CHAMP1: variants seen among roughly 807,000 people sequenced by gnomAD.
CHAMP1 encodes the protein chromosome alignment maintaining phosphoprotein 1, also known as chromosome alignment-maintaining phosphoprotein 1.
Under a neutral mutation model 54.5 loss-of-function variants are expected in CHAMP1, and 4 were observed. The observed-to-expected ratio is 0.07, with a 90% CI of 0.04 to 0.17. The LOEUF is 0.17. Among genes scored for constraint, CHAMP1 ranks in the 10% least tolerant of loss-of-function variants. The probability of loss-of-function intolerance (pLI) is 1.00; values close to 1 mark genes in which losing one functional copy is unlikely to be tolerated. For synonymous variants in CHAMP1, 368 were observed against 342.2 expected, an observed-to-expected ratio of 1.08 and a Z score of -0.83; for missense variants, 994 against 968.6, an observed-to-expected ratio of 1.03 and a Z score of -0.35.
chr13:114,323,753 G>C, intron 2 of CHAMP1, 35 bp from the exon 3 acceptor site: 1 of 1,476,800 alleles, frequency 6.8e-7, no homozygotes, highest in Non-Finnish European at 9.1e-7. Flanking sequence ...CAGAATTACA[G>C]TTCATGAAAA....
In CHAMP1 at chr13:114,326,128, A is replaced by C. The variant is rs782346249; in HGVS notation, c.2286A>C (p.Gln762His). ...LLKNHVAAHGQSLLKCPRCNF... is the reference protein window; with the variant it reads ...LLKNHVAAHGHSLLKCPRCNF... ...AAAATCATGTAGCAGCCCATGGGCAAAGTTTACTTAAATGTCCACGTTGTA... is the reference window on the plus strand; with the variant it reads ...AAAATCATGTAGCAGCCCATGGGCACAGTTTACTTAAATGTCCACGTTGTA... Residue 762 changes from glutamine (Q) to histidine (H), a missense_variant, in exon 3 of 3, where the codon CAA becomes CAC. This residue lies in a region of CHAMP1 where 59 missense variants were observed against 146.7 expected (regional missense o/e 0.40). Coordinates refer to ENST00000361283, the MANE Select transcript of CHAMP1 (RefSeq NM_032436.4). 1 of 1,613,478 alleles carries C rather than the reference A, an allele frequency of 6.2e-7. No homozygotes were observed. Among genetic ancestry groups the C allele is most frequent in the Admixed American group, 1.7e-5 (1 of 59,944 alleles).
At position 114,324,359 on chromosome 13, in the gene CHAMP1, TCTC is replaced by T. The variant is rs535593712; in HGVS notation, c.520_522del (p.Pro174del). On this transcript the variant is annotated inframe_deletion, in exon 3 of 3. Transcript: ENST00000361283. Reference sequence around the variant, plus strand: ...TCCTGAGCTACAGACACCTCTTCCTTCTCCTGAGCCTTCAAAACCTGCCTCTGT... The same window carrying T: ...TCCTGAGCTACAGACACCTCTTCCTTCTGAGCCTTCAAAACCTGCCTCTGT... 2.1e-3 allele frequency: 3,367 copies of T among 1,614,006 alleles called. 7 individuals are homozygous for T. Among genetic ancestry groups the T allele is most frequent in the Non-Finnish European group, 2.6e-3 (3,093 of 1,180,000 alleles).
rs781950538 is a variant in CHAMP1, at chr13:114,325,933, G to A, written c.2091G>A (p.Glu697=). The A allele has an allele frequency of 7.4e-6, 12 of 1,614,142 alleles. 1 individual carries two copies. The South Asian group carries it at 1.3e-4, about 18-fold the overall frequency. Residue 697 remains glutamate, a synonymous_variant, in exon 3 of 3, where the codon GAG becomes GAA. Coordinates refer to ENST00000361283, the MANE Select transcript of CHAMP1 (RefSeq NM_032436.4). ...EEKEAFISEE[E]IAKYMKRGKG... is the part of the protein sequence containing the mutation. Reference sequence around the variant, plus strand: ...AAGAAGCTTTTATCTCTGAAGAGGAGATTGCAAAATACATGAAGCGTGGAA... The same window carrying A: ...AAGAAGCTTTTATCTCTGAAGAGGAAATTGCAAAATACATGAAGCGTGGAA...
chr13:114,323,756 C>A, intron 2 of CHAMP1, 32 bp from the exon 3 acceptor site: 1 of 1,480,094 alleles, frequency 6.8e-7, no homozygotes, highest in South Asian at 1.4e-5. Flanking sequence ...AATTACAGTT[C>A]ATGAAAATAA....
intron 1 of CHAMP1, among the ~76,000 whole-genome samples, chr13:114,319,179 T>A (rs2087139095): frequency 6.6e-6 from 1 of 152,148 alleles, no homozygotes; most frequent in Non-Finnish European, 1.5e-5. Flanking sequence ...CAGATACTGA[T>A]CATTTGTCTG....
At position 114,323,998 on chromosome 13, in the gene CHAMP1, G is replaced by A; in HGVS notation, c.156G>A (p.Met52Ile). ...TGGATGCTGGTGGGCTAGGCAAAAT[G>A]ATATTTTACCAGAAAAGTGCAAAGT... The part of the protein sequence containing the change: ...DEMDAGGLGK[M>I]IFYQKSAKLF... Residue 52 changes from methionine (M) to isoleucine (I), a missense_variant, in exon 3 of 3, where the codon ATG (methionine) becomes ATA (isoleucine). By Grantham distance (10) the Met-to-Ile change is conservative. Transcript: ENST00000361283. The A allele has an allele frequency of 6.2e-7, 1 of 1,614,110 alleles. No homozygotes were observed. Among genetic ancestry groups the A allele is most frequent in the Non-Finnish European group, 8.5e-7 (1 of 1,179,996 alleles).
At position 114,325,645 on chromosome 13, in the gene CHAMP1, A is replaced by G. The variant is rs782586715; in HGVS notation, c.1803A>G (p.Leu601=). Residue 601 remains leucine, a synonymous_variant, in exon 3 of 3, where the codon CTA becomes CTG. Coordinates refer to ENST00000361283, the MANE Select transcript of CHAMP1 (RefSeq NM_032436.4). ...KCDILVQEEL[L]ASPKKLLEDT... ...ATATTTTGGTTCAGGAAGAACTTCT[A>G]GCTTCACCTAAGAAACTCTTAGAAG... is the stretch of plus-strand genomic sequence containing the variant. 1.9e-6 allele frequency: 3 copies of G among 1,614,202 alleles called. No homozygotes were observed. Among genetic ancestry groups the G allele is most frequent in the Non-Finnish European group, 1.7e-6 (2 of 1,180,036 alleles).
chr13:114,324,344 C>G lies in CHAMP1; in HGVS notation c.502C>G (p.Gln168Glu), dbSNP rs1555379435. The G allele has an allele frequency of 6.2e-7, 1 of 1,614,154 alleles. No homozygotes were observed. ...KPGSVVSPEL[Q>E]TPLPSPEPSK... The stretch of plus-strand genomic sequence containing the variant: ...TGGCTCTGTTGTTTCTCCTGAGCTA[C>G]AGACACCTCTTCCTTCTCCTGAGCC... The change falls in exon 3 of 3, where the codon CAG becomes GAG. Residue 168 changes from glutamine to glutamate, a missense_variant. Gln to Glu is a conservative substitution (Grantham distance 29, BLOSUM62 2). Transcript: ENST00000361283.
Position 114,324,807 on chromosome 13 carries a change from C to G in CHAMP1, c.965C>G (p.Pro322Arg). ...CCAGGGCCACCTGGGTCCCCTAGGC[C>G]TTGGAAATCCAATCCTTCAGCATCA... ...WKPGPPGSPR[P>R]WKSNPSASSG... Residue 322 changes from proline to arginine, a missense_variant, in exon 3 of 3, where the codon CCT becomes CGT. Pro to Arg is a moderately radical substitution (Grantham distance 103, BLOSUM62 -2). Transcript: ENST00000361283. The G allele has an allele frequency of 6.2e-7, 1 of 1,614,120 alleles. No individual in the cohort carries two copies. The highest frequency in any genetic ancestry group is 8.5e-7 in the Non-Finnish European group (1 of 1,179,972).
At position 114,324,438 on chromosome 13, in the gene CHAMP1, T is replaced by G. The variant is rs1555379464; in HGVS notation, c.596T>G (p.Leu199Arg). ...GTCCCTGTTTGTGAGTCTCAGAAAC[T>G]TGCCCCTGTTCCTTCTCCAGAACCA... ...KSVPVCESQK[L>R]APVPSPEPQK... Residue 199 changes from leucine to arginine, a missense_variant, in exon 3 of 3, where the codon CTT becomes CGT. Around this residue, in one of 3 missense-constraint regions of CHAMP1, gnomAD observed 851 missense variants for 701.3 expected, o/e 1.21. Transcript: ENST00000361283. The G allele has an allele frequency of 1.2e-6, 2 of 1,614,130 alleles. No individual in the cohort carries two copies. The highest frequency in any genetic ancestry group is 3.3e-5 in the Admixed American group (2 of 60,010).
intron 1 of CHAMP1, among the ~76,000 whole-genome samples, chr13:114,315,092 A>T (rs2087078769): frequency 6.6e-6 from 1 of 152,148 alleles, no homozygotes; most frequent in Admixed American, 6.5e-5. Flanking sequence ...ACAAAAAGCA[A>T]CCCAGTTCAA....
chr13:114,326,307 C>G lies in CHAMP1; in HGVS notation c.*26C>G, dbSNP rs1555380023. 6.5e-7 allele frequency: 1 copy of G among 1,537,306 alleles called. No individual in the cohort carries two copies. The highest frequency in any genetic ancestry group is 2.2e-5 in the Admixed American group (1 of 45,698). Reference sequence around the variant, plus strand: ...TAACACAGTGTGAATATTTGTTCTACAAAGGTGTTTGTTGGAACCATTCTT... The same window carrying G: ...TAACACAGTGTGAATATTTGTTCTAGAAAGGTGTTTGTTGGAACCATTCTT... On this transcript the variant is annotated 3_prime_UTR_variant, in exon 3 of 3. Coordinates refer to ENST00000361283, the MANE Select transcript of CHAMP1 (RefSeq NM_032436.4).
chr13:114,324,248 A>G lies in CHAMP1; in HGVS notation c.406A>G (p.Lys136Glu), dbSNP rs782505873. ...ACCTGCCCTTTCAATGGAAACACAG[A>G]AACTTGGTTCAGTTTTGTCTCCAGA... is the stretch of plus-strand genomic sequence containing the variant. ...SIPALSMETQ[K>E]LGSVLSPESP... is the part of the protein sequence containing the mutation. The change falls in exon 3 of 3, where the codon AAA (lysine) becomes GAA (glutamate). Residue 136 changes from lysine to glutamate, a missense_variant. By Grantham distance (56) the Lys-to-Glu change is moderately conservative (BLOSUM62 1). Coordinates refer to ENST00000361283, the MANE Select transcript of CHAMP1 (RefSeq NM_032436.4). The G allele has an allele frequency of 6.2e-7, 1 of 1,614,158 alleles. No individual in the cohort carries two copies. The highest frequency in any genetic ancestry group is 8.5e-7 in the Non-Finnish European group (1 of 1,180,036).
In CHAMP1 at chr13:114,323,851, A is replaced by G; in HGVS notation, c.9A>G (p.Ala3=). The change falls in exon 3 of 3, where the codon GCA becomes GCG. Residue 3 remains alanine (A), a synonymous_variant. Coordinates refer to ENST00000361283, the MANE Select transcript of CHAMP1 (RefSeq NM_032436.4). The part of the protein sequence containing the change: ME[A]FQELRKPSAR... Reference sequence around the variant, plus strand: ...TGGTAACAGACAGAAGAATGGAAGCATTCCAGGAACTTCGTAAACCATCAG... The same window carrying G: ...TGGTAACAGACAGAAGAATGGAAGCGTTCCAGGAACTTCGTAAACCATCAG... 6.2e-7 allele frequency: 1 copy of G among 1,600,416 alleles called. No individual in the cohort carries two copies. Among genetic ancestry groups the G allele is most frequent in the Non-Finnish European group, 8.5e-7 (1 of 1,170,974 alleles).
In CHAMP1 at chr13:114,324,741, C is replaced by G. The variant is rs1566791603; in HGVS notation, c.899C>G (p.Pro300Arg). The G allele has an allele frequency of 6.2e-7, 1 of 1,614,018 alleles. No individual in the cohort carries two copies. ...WKPFPAVSPE[P>R]RRPAPAVSPG... ...CCGTTCCCTGCTGTCTCCCCAGAGC[C>G]TAGGAGACCAGCCCCCGCTGTGTCA... Residue 300 changes from proline to arginine, a missense_variant, in exon 3 of 3, where the codon CCT (proline) becomes CGT (arginine). Pro to Arg is a moderately radical substitution (Grantham distance 103, BLOSUM62 -2). Transcript: ENST00000361283.
intron 1 of CHAMP1, among the ~76,000 whole-genome samples, chr13:114,320,547 G>C (rs1161229581): frequency 3.9e-5 from 6 of 152,202 alleles, no homozygotes; most frequent in African/African-American, 1.4e-4. Flanking sequence ...TGGTGGGTTT[G>C]AGAAGGATTT....
At chr13:114,319,400 T>C (rs2087141337) in intron 1 of CHAMP1, among the ~76,000 whole-genome samples, 1 of 152,158 alleles carries the variant, frequency 6.6e-6, no homozygotes, top group Admixed American at 6.5e-5. Flanking sequence ...GTGTCAGGGA[T>C]GTGCAACGGT....
At chr13:114,318,861 T>C (rs986460590) in intron 1 of CHAMP1, among the ~76,000 whole-genome samples, 43 of 109,428 alleles carry the variant, frequency 3.9e-4, no homozygotes, top group Non-Finnish European at 6.2e-4. Context: ...GGTTGCCTTT[T>C]TTTTTTTTTT....
chr13:114,317,434 T>C (rs978985157), intron 1 of CHAMP1, among the ~76,000 whole-genome samples: 4 of 151,984 alleles, frequency 2.6e-5, no homozygotes, highest in African/African-American at 7.2e-5. Flanking sequence ...AGGACCAGCC[T>C]GGACAACATA....
Sources: gnomAD v4.1 joint callset for allele counts (sites outside exome capture counted in the v4.1 genomes callset) on GRCh38, gnomAD v4.1.1 for gene constraint, gnomAD v4.1.1 regional missense constraint, MANE v1.5 for transcripts, NCBI Gene and HGNC (gene_info 2026-07-23, HGNC 2026-07-21) for gene names.